Variants in SSPN observed in about 807,000 individuals in gnomAD.
The protein encoded by SSPN is K-ras oncogene-associated protein.
Under a neutral mutation model 19.1 loss-of-function variants are expected in SSPN, and 15 were observed. The observed-to-expected ratio is 0.78, with a 90% CI of 0.52 to 1.21. The LOEUF is 1.21. Among genes scored for constraint, SSPN ranks in the 50% most tolerant of loss-of-function variants. The probability of loss-of-function intolerance (pLI) is 0.00; values close to 1 mark genes in which losing one functional copy is unlikely to be tolerated. For missense variants in SSPN, 291 were observed against 314.0 expected (o/e 0.93, Z 0.55); for synonymous variants, 147 against 140.3 (o/e 1.05, Z -0.34).
At chr12:26,208,225 C>T (rs1944949666) in intron 1 of SSPN, among the ~76,000 whole-genome samples, 1 of 152,158 alleles carries the variant, frequency 6.6e-6, no homozygotes, top group African/African-American at 2.4e-5. Context: ...CTAGCTATTG[C>T]CAAGTCACTA....
chr12:26,230,881 G>A lies in SSPN; in HGVS notation c.537G>A (p.Arg179=). ...CGCTCAGCAGGACCTTTGTTTACCGGGATGTGACGGACTGTACCAGCGTCA... is the reference window on the plus strand; with the variant it reads ...CGCTCAGCAGGACCTTTGTTTACCGAGATGTGACGGACTGTACCAGCGTCA... ...SEPLSRTFVY[R]DVTDCTSVTG... is the part of the protein sequence containing the mutation. Residue 179 remains arginine (R), a synonymous_variant, in exon 3 of 3, where the codon CGG becomes CGA. Transcript: ENST00000242729. 2 of 1,614,162 alleles carry A rather than the reference G, an allele frequency of 1.2e-6. No individual in the cohort carries two copies. The highest frequency in any genetic ancestry group is 8.5e-7 in the Non-Finnish European group (1 of 1,180,038).
chr12:26,219,281 AATGTTTTAGG>A (rs1198877266), intron 1 of SSPN, among the ~76,000 whole-genome samples: 1 of 152,202 alleles, frequency 6.6e-6, no homozygotes, highest in Non-Finnish European at 1.5e-5. Context: ...ATTCTCACAA[AATGTTTTAGG>A]ATGATACCTT....
At chr12:26,181,919 G>A (rs1305648345) in intron 1 of SSPN, among the ~76,000 whole-genome samples, 1 of 152,108 alleles carries the variant, frequency 6.6e-6, no homozygotes, top group Non-Finnish European at 1.5e-5. Flanking sequence ...ATACAGTCTT[G>A]CTATTTCTCC....
At chr12:26,179,919 C>CTTTTTTTTT (rs10591596) in intron 1 of SSPN, 25 of 68,252 alleles carry the variant, frequency 3.7e-4, no homozygotes, top group South Asian at 1.9e-3. Flanking sequence ...TTTAGCTAGG[C>CTTTTTTTTT]TTTTTTTTTT....
rs1173554109 is a variant in SSPN, at chr12:26,196,100, A to C, written c.279+149A>C. 24 of 706,498 alleles carry C rather than the reference A, an allele frequency of 3.4e-5. No homozygotes were observed. In the East Asian group the frequency reaches 8.2e-4, roughly 24 times the overall value. 43.8% of individuals were successfully genotyped at this position (706,498 alleles called of 1,614,324 possible). On this transcript the variant is annotated intron_variant, in intron 1 of 2. Coordinates refer to ENST00000242729, the MANE Select transcript of SSPN (RefSeq NM_005086.5). ...CTGCTCGGTGACTGATGCGTGGGGC[A>C]CTGGGTTTTCCCGGGCGGGGCAGGG...
At chr12:26,176,026 G>A (rs1239191639) in intron 1 of SSPN, among the ~76,000 whole-genome samples, 5 of 152,016 alleles carry the variant, frequency 3.3e-5, no homozygotes, top group African/African-American at 9.7e-5. Flanking sequence ...TAGTAGAGAC[G>A]GGGTTTCACC....
At chr12:26,123,668 G>C in intron 1 of SSPN, 1 of 1,614,042 alleles carries the variant, frequency 6.2e-7, no homozygotes, top group Non-Finnish European at 8.5e-7. Context: ...CTGTTGCTCG[G>C]TTAAGGCGGT....
intron 1 of SSPN, chr12:26,122,269 A>T (rs1944314053): frequency 1.6e-6 from 2 of 1,219,858 alleles, no homozygotes; most frequent in South Asian, 8.1e-5. Flanking sequence ...AACACCGAGG[A>T]CAGGCAGGGG....
intron 1 of SSPN, chr12:26,123,968 A>G (rs1047157797): frequency 2.2e-6 from 2 of 908,822 alleles, no homozygotes; most frequent in Non-Finnish European, 3.5e-6. Context: ...ACAAGTTTTA[A>G]GTCAGGAACT....
intron 1 of SSPN, among the ~76,000 whole-genome samples, chr12:26,185,455 G>T (rs1565681025): frequency 6.6e-6 from 1 of 152,174 alleles, no homozygotes; most frequent in African/African-American, 2.4e-5. Context: ...AAAAAGGGTT[G>T]GGTATTTAGT....
At chr12:26,222,504 G>A (rs773542185) in intron 1 of SSPN, among the ~76,000 whole-genome samples, 1 of 152,178 alleles carries the variant, frequency 6.6e-6, no homozygotes, top group Non-Finnish European at 1.5e-5. Flanking sequence ...CTGGCCCTGG[G>A]GTAGGAACTA....
intron 2 of SSPN, among the ~76,000 whole-genome samples, chr12:26,226,269 G>C (rs895271846): frequency 2.0e-5 from 3 of 151,980 alleles, no homozygotes; most frequent in Non-Finnish European, 4.4e-5. Flanking sequence ...TCACACTACT[G>C]GGGGGGCGAA....
rs546962470 is a variant in SSPN at position 26,209,043 on chromosome 12, A to C, written c.279+13092A>C. ...TTTTATTCTTCTTCAAAATTTTCTC[A>C]GTGAATCTTAGCCATTTTCTCTTGC... On this transcript the variant is annotated intron_variant, in intron 1 of 2. Transcript: ENST00000242729. Among the ~76,000 whole-genome samples, 49 of 151,300 alleles carry C rather than the reference A, an allele frequency of 3.2e-4. 1 individual carries two copies. The highest frequency in any genetic ancestry group is 3.0e-3 in the Admixed American group (46 of 15,154).
At chr12:26,217,613 T>C (rs1000570225) in intron 1 of SSPN, among the ~76,000 whole-genome samples, 2 of 127,466 alleles carry the variant, frequency 1.6e-5, no homozygotes, top group African/African-American at 6.2e-5. Context: ...CAACACTATG[T>C]TGAATAGGAG....
At chr12:26,205,183 C>T (rs1399676445) in intron 1 of SSPN, among the ~76,000 whole-genome samples, 1 of 152,222 alleles carries the variant, frequency 6.6e-6, no homozygotes, top group Non-Finnish European at 1.5e-5. Flanking sequence ...CTGGGAGTGC[C>T]GTGGTACTGA....
intron 1 of SSPN, among the ~76,000 whole-genome samples, chr12:26,189,342 T>C (rs553953582): frequency 1.3e-5 from 2 of 152,300 alleles, no homozygotes; most frequent in African/African-American, 4.8e-5. Flanking sequence ...AACTGCATTA[T>C]TAAGAAGAAA....
chr12:26,126,611 C>G (rs1243555309), intron 1 of SSPN: 1 of 152,118 alleles, frequency 6.6e-6, no homozygotes, highest in Non-Finnish European at 1.5e-5. Context: ...CTGCGGGAGT[C>G]GCGTCTCCTC....
intron 1 of SSPN, chr12:26,125,814 T>G (rs1591840738): frequency 1.4e-5 from 2 of 141,960 alleles, no homozygotes; most frequent in African/African-American, 2.6e-5. Flanking sequence ...GAGAAGGGGG[T>G]GGCACGAGAG....
At chr12:26,138,082 A>G (rs1320160718) in intron 1 of SSPN, among the ~76,000 whole-genome samples, 1 of 152,220 alleles carries the variant, frequency 6.6e-6, no homozygotes, top group East Asian at 1.9e-4. Context: ...TAAATAAAGC[A>G]TAGCATTTGC....
Sources: allele counts gnomAD v4.1 joint callset (sites outside exome capture counted in the v4.1 genomes callset), GRCh38; gene constraint gnomAD v4.1.1; transcripts MANE v1.5; gene names NCBI Gene and HGNC (gene_info 2026-07-23, HGNC 2026-07-21).